TNKS: variants seen among roughly 807,000 people sequenced by gnomAD.
The protein encoded by TNKS is poly [ADP-ribose] polymerase tankyrase-1.
A neutral mutation model predicts 135.8 loss-of-function variants in TNKS; 72 were observed. That is an observed-to-expected ratio of 0.53 (90% CI 0.44 to 0.64). The LOEUF is 0.64. TNKS is among the 30% of genes least tolerant of loss of function. TNKS has a pLI of 0.00. For missense variants in TNKS, 1,769 were observed against 1,674.0 expected (o/e 1.06, Z -0.99); for synonymous variants, 849 against 649.3 (o/e 1.31, Z -4.68).
At chr8:9,719,293 T>G (rs1199341100) in intron 11 of TNKS, among the ~76,000 whole-genome samples, 1 of 152,204 alleles carries the variant, frequency 6.6e-6, no homozygotes, top group Non-Finnish European at 1.5e-5. Flanking sequence ...TTATCCTTTC[T>G]TTTCTTAATC....
intron 26 of TNKS, among the ~76,000 whole-genome samples, chr8:9,771,099 T>C (rs1022649199): frequency 1.3e-5 from 2 of 151,072 alleles, no homozygotes; most frequent in African/African-American, 4.9e-5. Flanking sequence ...TAAGCATGTG[T>C]GTGTATATGA....
At chr8:9,694,617 C>G (rs138895610) in intron 5 of TNKS, among the ~76,000 whole-genome samples, 9,832 of 151,920 alleles carry the variant, frequency 0.065, 657 homozygotes, top group East Asian at 0.22. Context: ...CAAAAATTAG[C>G]CGGGTGTGGT....
intron 21 of TNKS, 66 bp downstream of exon 21, chr8:9,761,702 T>C: frequency 6.6e-7 from 1 of 1,525,270 alleles, no homozygotes; most frequent in Admixed American, 2.2e-5. Flanking sequence ...TTGGGGCTGA[T>C]AATTGAACTC....
intron 9 of TNKS, among the ~76,000 whole-genome samples, 152 bp from the exon 10 acceptor site, chr8:9,709,797 GAAAGAA>G (rs1804231470): frequency 6.6e-6 from 1 of 152,188 alleles, no homozygotes; most frequent in Admixed American, 6.5e-5. Context: ...ACTATACGTA[GAAAGAA>G]TATGGATCAT....
At chr8:9,613,533 C>G (rs1389126716) in intron 2 of TNKS, among the ~76,000 whole-genome samples, 1 of 152,126 alleles carries the variant, frequency 6.6e-6, no homozygotes, top group Non-Finnish European at 1.5e-5. Context: ...TAAATATTTT[C>G]TAATGTGAAT....
chr8:9,577,472 C>G (rs1270400661), intron 1 of TNKS, among the ~76,000 whole-genome samples: 1 of 152,002 alleles, frequency 6.6e-6, no homozygotes, highest in East Asian at 1.9e-4. Context: ...TGGGGAGGCC[C>G]CAGGAAATTC....
At chr8:9,676,656 T>G (rs1182968097) in intron 3 of TNKS, among the ~76,000 whole-genome samples, 2 of 150,286 alleles carry the variant, frequency 1.3e-5, no homozygotes, top group Non-Finnish European at 3.0e-5. Flanking sequence ...CTTTAACACA[T>G]AAGCCTCGTA....
At chr8:9,645,521 T>C (rs1020843331) in intron 3 of TNKS, among the ~76,000 whole-genome samples, 1 of 152,086 alleles carries the variant, frequency 6.6e-6, no homozygotes, top group Non-Finnish European at 1.5e-5. Context: ...GACGTCTAAA[T>C]TTACCTGGGT....
chr8:9,667,167 T>G (rs1802036393), intron 3 of TNKS, among the ~76,000 whole-genome samples: 3 of 152,214 alleles, frequency 2.0e-5, no homozygotes, highest in Non-Finnish European at 4.4e-5. Context: ...CTTCAGAGAT[T>G]CTTCTTAATA....
At chr8:9,574,786 A>T (rs1797881186) in intron 1 of TNKS, among the ~76,000 whole-genome samples, 1 of 152,038 alleles carries the variant, frequency 6.6e-6, no homozygotes, top group African/African-American at 2.4e-5. Flanking sequence ...CAGATGACAC[A>T]TTTTTGGCCA....
At chr8:9,655,863 C>T (rs184439274) in intron 3 of TNKS, among the ~76,000 whole-genome samples, 5 of 152,228 alleles carry the variant, frequency 3.3e-5, no homozygotes, top group African/African-American at 9.6e-5. Context: ...AACGCAGCTC[C>T]TCACCAGCAA....
At chr8:9,736,482 T>C (rs1805711826) in intron 17 of TNKS, among the ~76,000 whole-genome samples, 1 of 151,990 alleles carries the variant, frequency 6.6e-6, no homozygotes, top group African/African-American at 2.4e-5. Context: ...TGCCCACGCC[T>C]ATGTCCTGAA....
intron 1 of TNKS, among the ~76,000 whole-genome samples, chr8:9,565,424 T>G (rs1003759455): frequency 6.6e-6 from 1 of 152,192 alleles, no homozygotes; most frequent in Admixed American, 6.5e-5. Flanking sequence ...CTTTGGTATA[T>G]TTTCTTTTAA....
Position 9,648,817 on chromosome 8 carries a change from TCA to T in TNKS, c.995-31131_995-31130del, listed in dbSNP as rs143507626. Among the ~76,000 whole-genome samples, 865 of 152,154 alleles carry T rather than the reference TCA, an allele frequency of 5.7e-3. 3 individuals are homozygous for T. The highest frequency in any genetic ancestry group is 0.013 in the East Asian group (67 of 5,180). The stretch of plus-strand genomic sequence containing the variant: ...TCCCCTCACTTTCCCATTCTTAGAG[TCA>T]CATACCTTAAAAAGAATGTCTCATC... On this transcript the variant is annotated intron_variant, in intron 3 of 26. Transcript: ENST00000310430.
chr8:9,752,232 T>C (rs1397911553), intron 19 of TNKS, among the ~76,000 whole-genome samples: 2 of 152,118 alleles, frequency 1.3e-5, no homozygotes, highest in African/African-American at 4.8e-5. Context: ...AGTATAAGAA[T>C]TATACTATAA....
intron 23 of TNKS, among the ~76,000 whole-genome samples, chr8:9,765,046 T>TA (rs1732262863): frequency 1.3e-5 from 2 of 152,296 alleles, no homozygotes; most frequent in South Asian, 2.1e-4. Context: ...TAGTGATACT[T>TA]ACGTGGATAT....
Position 9,757,755 on chromosome 8 carries a change from A to G in TNKS, c.3154-3761A>G, listed in dbSNP as rs537664069. 5.3e-4 allele frequency among the ~76,000 whole-genome samples: 80 copies of G among 152,354 alleles called. 1 individual carries two copies. The highest frequency in any genetic ancestry group is 3.2e-4 in the Non-Finnish European group (22 of 68,036). ...TCTTTTACTATCAGTTATTTGGACC[A>G]ACTATGTAACTTTCCAACTATAAGG... On this transcript the variant is annotated intron_variant, in intron 20 of 26. Transcript: ENST00000310430.
chr8:9,609,947 T>C (rs551240084), intron 2 of TNKS, among the ~76,000 whole-genome samples: 1 of 152,266 alleles, frequency 6.6e-6, no homozygotes, highest in East Asian at 1.9e-4. Context: ...AAGCTCCACC[T>C]CCCGGGTTCA....
intron 2 of TNKS, among the ~76,000 whole-genome samples, chr8:9,597,638 C>T (rs578055278): frequency 4.6e-5 from 7 of 151,906 alleles, no homozygotes; most frequent in Admixed American, 2.6e-4. Flanking sequence ...GCAGGGGTAT[C>T]GTGGTTTGCT....
Sources: gnomAD v4.1 joint callset for allele counts (sites outside exome capture counted in the v4.1 genomes callset) on GRCh38, gnomAD v4.1.1 for gene constraint, MANE v1.5 for transcripts, NCBI Gene and HGNC (gene_info 2026-07-23, HGNC 2026-07-21) for gene names.